Variants in UNC5C observed in about 807,000 individuals in gnomAD.
UNC5C encodes unc-5 netrin receptor C.
Under a neutral mutation model 99.8 loss-of-function variants are expected in UNC5C, and 47 were observed. That is an observed-to-expected ratio of 0.47 (90% CI 0.37 to 0.60). UNC5C has a LOEUF of 0.60. UNC5C is among the 20% of genes least tolerant of loss of function. The pLI is 0.00. For missense variants in UNC5C, 1,062 were observed against 1,165.9 expected (o/e 0.91, Z 1.30); for synonymous variants, 487 against 452.2 (o/e 1.08, Z -0.98).
intron 1 of UNC5C, among the ~76,000 whole-genome samples, chr4:95,534,255 C>T (rs1722721337): frequency 6.6e-6 from 1 of 152,064 alleles, no homozygotes; most frequent in Non-Finnish European, 1.5e-5. Context: ...ACTGAGTTGT[C>T]CTTGTTTATT....
intron 1 of UNC5C, among the ~76,000 whole-genome samples, chr4:95,471,181 G>C (rs997461391): frequency 6.6e-6 from 1 of 152,046 alleles, no homozygotes; most frequent in Non-Finnish European, 1.5e-5. Context: ...GGAATTAAAA[G>C]TAGAAAAAAT....
chr4:95,221,838 A>C lies in UNC5C; in HGVS notation c.1109-1662T>G, dbSNP rs1738477134. Among the ~76,000 whole-genome samples the C allele has an allele frequency of 2.0e-5, 3 of 152,092 alleles. No homozygotes were observed. In the South Asian group the frequency reaches 6.2e-4, roughly 32 times the overall value. ...ATTATATCTAAATTCTTATTGTTTTACTTTACCAGGTCATAGTTACTTATT... is the reference window on the plus strand; with the variant it reads ...ATTATATCTAAATTCTTATTGTTTTCCTTTACCAGGTCATAGTTACTTATT... On this transcript the variant is annotated intron_variant, in intron 7 of 15. Transcript: ENST00000453304.
chr4:95,397,317 G>T (rs1283931781), intron 1 of UNC5C, among the ~76,000 whole-genome samples: 1 of 152,146 alleles, frequency 6.6e-6, no homozygotes, highest in Non-Finnish European at 1.5e-5. Flanking sequence ...ATTTAAATCT[G>T]CACCACCCTT....
At chr4:95,259,779 T>C (rs1257510335) in intron 4 of UNC5C, among the ~76,000 whole-genome samples, 1 of 152,158 alleles carries the variant, frequency 6.6e-6, no homozygotes, top group Admixed American at 6.5e-5. Context: ...ATAAAAGAAA[T>C]ATTCACTATC....
intron 1 of UNC5C, among the ~76,000 whole-genome samples, chr4:95,448,221 T>TGAGAGAGAGAGAGAGAGAGA (rs1284671236): frequency 9.0e-6 from 1 of 111,368 alleles, no homozygotes; most frequent in African/African-American, 3.6e-5. Flanking sequence ...TGTGTGTGTG[T>TGAGAGAGAGAGAGAGAGAGA]GTGTGTGAGA....
chr4:95,371,176 A>C (rs1744736764), intron 1 of UNC5C, among the ~76,000 whole-genome samples: 1 of 152,194 alleles, frequency 6.6e-6, no homozygotes, highest in Non-Finnish European at 1.5e-5. Context: ...CACTTCAGTG[A>C]GGCAGCCTTC....
intron 1 of UNC5C, among the ~76,000 whole-genome samples, chr4:95,527,807 T>A (rs1032700951): frequency 6.6e-6 from 1 of 152,126 alleles, no homozygotes; most frequent in Non-Finnish European, 1.5e-5. Flanking sequence ...GATGGAGAAA[T>A]TTTTAATAAA....
intron 1 of UNC5C, among the ~76,000 whole-genome samples, chr4:95,341,918 C>T (rs1455780705): frequency 6.6e-6 from 1 of 152,010 alleles, no homozygotes; most frequent in Non-Finnish European, 1.5e-5. Flanking sequence ...CAGCAGAAAC[C>T]AAAATGGGGC....
rs1735850363 is a variant in UNC5C at position 95,166,179 on chromosome 4, C to T, written c.*3055G>A. 1.3e-5 allele frequency: 2 copies of T among 152,178 alleles called. No individual in the cohort carries two copies. The highest frequency in any genetic ancestry group is 4.1e-4 in the South Asian group (2 of 4,822). The allele number at this position is 152,178 out of a possible 1,614,324, so 9.4% of individuals were successfully genotyped here. On this transcript the variant is annotated 3_prime_UTR_variant, in exon 16 of 16. Transcript: ENST00000453304. ...CCAAATGAAACCAGCCAAACTGCCT[C>T]TCCAGCGGTGTAGAAAGAAGCAGGA...
chr4:95,504,494 A>G (rs1220937621), intron 1 of UNC5C, among the ~76,000 whole-genome samples: 1 of 152,164 alleles, frequency 6.6e-6, no homozygotes, highest in Non-Finnish European at 1.5e-5. Context: ...AAACTTCTCA[A>G]TAGCACTCTT....
At chr4:95,444,210 C>A (rs1056960897) in intron 1 of UNC5C, among the ~76,000 whole-genome samples, 2 of 152,192 alleles carry the variant, frequency 1.3e-5, no homozygotes, top group African/African-American at 4.8e-5. Context: ...GCTCATTGAC[C>A]TCTTTCTCCT....
chr4:95,196,655 G>A (rs1664589692), intron 12 of UNC5C, among the ~76,000 whole-genome samples: 1 of 147,376 alleles, frequency 6.8e-6, no homozygotes, highest in African/African-American at 2.5e-5. Context: ...GTAGGGAGAA[G>A]AAAAAATGCA....
At chr4:95,409,364 A>C (rs1329362081) in intron 1 of UNC5C, among the ~76,000 whole-genome samples, 1 of 152,170 alleles carries the variant, frequency 6.6e-6, no homozygotes, top group African/African-American at 2.4e-5. Context: ...GACATCAAAC[A>C]GTTCAAGGGA....
At chr4:95,525,596 TAA>T (rs574532435) in intron 1 of UNC5C, among the ~76,000 whole-genome samples, 4,340 of 102,120 alleles carry the variant, frequency 0.042, 115 homozygotes, top group Middle Eastern at 0.15. Flanking sequence ...GCCTATTTCT[TAA>T]AAAAAAAAAA....
At position 95,548,663 on chromosome 4, in the gene UNC5C, GGGA is replaced by G. The variant is rs1723142981; in HGVS notation, c.124+68_124+70del. 3 of 1,550,764 alleles carry G rather than the reference GGGA, an allele frequency of 1.9e-6. No individual in the cohort carries two copies. The African/African-American group carries it at 4.1e-5, about 21-fold the overall frequency. On this transcript the variant is annotated intron_variant, in intron 1 of 15. Transcript: ENST00000453304. ...CAAATTGAGGAAGTCAAGAGAACTG[GGGA>G]GGAGGAGAGGAAGGAGGGAAGGAAG...
At chr4:95,303,787 A>G (rs1741961731) in intron 2 of UNC5C, among the ~76,000 whole-genome samples, 1 of 148,690 alleles carries the variant, frequency 6.7e-6, no homozygotes, top group African/African-American at 2.6e-5. Context: ...TATAAAATAG[A>G]TATGTGTGTA....
At chr4:95,312,638 G>A (rs1742316087) in intron 2 of UNC5C, among the ~76,000 whole-genome samples, 1 of 152,252 alleles carries the variant, frequency 6.6e-6, no homozygotes, top group Middle Eastern at 3.4e-3. Context: ...ATATCCACAT[G>A]TGTCTGAATC....
At chr4:95,260,993 CA>C (rs1740201149) in intron 4 of UNC5C, among the ~76,000 whole-genome samples, 2 of 152,126 alleles carry the variant, frequency 1.3e-5, no homozygotes, top group South Asian at 4.1e-4. Context: ...AGAGCTTGCA[CA>C]GGTTTATAAG....
intron 1 of UNC5C, among the ~76,000 whole-genome samples, chr4:95,547,385 A>T (rs1229777185): frequency 6.6e-6 from 1 of 151,880 alleles, no homozygotes; most frequent in East Asian, 1.9e-4. Context: ...TCCGCTTCCA[A>T]CACCCCCATC....
Sources: gnomAD v4.1 joint callset for allele counts (sites outside exome capture counted in the v4.1 genomes callset) on GRCh38, gnomAD v4.1.1 for gene constraint, MANE v1.5 for transcripts, NCBI Gene and HGNC (gene_info 2026-07-23, HGNC 2026-07-21) for gene names.